PDE4D: variants seen among roughly 807,000 people sequenced by gnomAD.
PDE4D encodes phosphodiesterase 4D.
Under a neutral mutation model 87.4 loss-of-function variants are expected in PDE4D, and 24 were observed. The ratio of observed to expected loss-of-function variants is 0.27; its 90% CI spans 0.20 to 0.39. The LOEUF (loss-of-function observed/expected upper bound fraction) is 0.39. PDE4D is among the 10% of genes least tolerant of loss of function. PDE4D has a pLI of 1.00. For missense variants in PDE4D, 714 were observed against 1,041.0 expected, an observed-to-expected ratio of 0.69 and a Z score of 4.32; for synonymous variants, 384 against 383.2, an observed-to-expected ratio of 1.00 and a Z score of -0.02.
chr5:59,657,142 T>C (rs549010804), intron 1 of PDE4D, among the ~76,000 whole-genome samples: 73 of 152,298 alleles, frequency 4.8e-4, no homozygotes, highest in Middle Eastern at 3.4e-3. Context: ...TTTTGAGATA[T>C]TGAAAGGACA....
intron 6 of PDE4D, among the ~76,000 whole-genome samples, chr5:59,019,031 T>C (rs1754591040): frequency 6.6e-6 from 1 of 151,736 alleles, no homozygotes; most frequent in Non-Finnish European, 1.5e-5. Flanking sequence ...TTACCTAAAT[T>C]ATATGTCTAA....
At chr5:59,783,053 A>G (rs1013437558) in intron 1 of PDE4D, among the ~76,000 whole-genome samples, 10 of 152,204 alleles carry the variant, frequency 6.6e-5, no homozygotes, top group South Asian at 2.1e-4. Context: ...CCAAAGGACT[A>G]TAACTCATAT....
At chr5:58,992,588 C>G (rs1748168421) in intron 7 of PDE4D, among the ~76,000 whole-genome samples, 1 of 151,960 alleles carries the variant, frequency 6.6e-6, no homozygotes, top group Admixed American at 6.6e-5. Flanking sequence ...GGGTTAAATC[C>G]CCAGGTTTTA....
chr5:60,219,088 G>A (rs905869848), intron 1 of PDE4D, among the ~76,000 whole-genome samples: 2 of 152,020 alleles, frequency 1.3e-5, no homozygotes, highest in Admixed American at 6.6e-5. Flanking sequence ...AATCATTAAA[G>A]TACAATAAAC....
intron 1 of PDE4D, among the ~76,000 whole-genome samples, chr5:60,499,327 C>G (rs568663893): frequency 6.8e-4 from 103 of 152,262 alleles, no homozygotes; most frequent in African/African-American, 2.3e-3. Context: ...TATAAGGAAA[C>G]AGAGGAAACA....
At chr5:60,297,290 A>G (rs1291479911) in intron 1 of PDE4D, among the ~76,000 whole-genome samples, 1 of 152,190 alleles carries the variant, frequency 6.6e-6, no homozygotes, top group African/African-American at 2.4e-5. Context: ...GTTTTGTGAC[A>G]TTAGAACAGG....
chr5:60,465,317 T>A (rs1747266528), intron 1 of PDE4D, among the ~76,000 whole-genome samples: 1 of 152,122 alleles, frequency 6.6e-6, no homozygotes, highest in Admixed American at 6.5e-5. Context: ...TTTTCCTAAG[T>A]TAGTTTAAAA....
At chr5:59,111,120 T>C (rs1291709478) in intron 5 of PDE4D, among the ~76,000 whole-genome samples, 2 of 152,178 alleles carry the variant, frequency 1.3e-5, no homozygotes, top group Non-Finnish European at 2.9e-5. Context: ...CCTCTATCCA[T>C]ATGCTGTGAT....
intron 2 of PDE4D, among the ~76,000 whole-genome samples, chr5:60,014,091 TAAA>T (rs36035984): frequency 4.1e-5 from 4 of 96,454 alleles, no homozygotes; most frequent in Admixed American, 1.2e-4. Flanking sequence ...GACTCCACCT[TAAA>T]AAAAAAAAAA....
chr5:59,458,536 GCT>G (rs775225336), intron 1 of PDE4D, among the ~76,000 whole-genome samples: 133 of 152,236 alleles, frequency 8.7e-4, no homozygotes, highest in Middle Eastern at 3.4e-3. Flanking sequence ...GTTCTCTCAG[GCT>G]CTGTCTGTGG....
intron 2 of PDE4D, among the ~76,000 whole-genome samples, chr5:59,194,801 G>T (rs1457409784): frequency 6.6e-6 from 1 of 152,114 alleles, no homozygotes; most frequent in Non-Finnish European, 1.5e-5. Flanking sequence ...AGGGCATAAG[G>T]TCTAAAAACT....
intron 5 of PDE4D, among the ~76,000 whole-genome samples, chr5:59,061,041 A>G (rs1763041491): frequency 6.6e-6 from 1 of 152,138 alleles, no homozygotes; most frequent in African/African-American, 2.4e-5. Context: ...TCATATATTT[A>G]TTGGTGTTGG....
intron 2 of PDE4D, among the ~76,000 whole-genome samples, chr5:60,088,556 G>A (rs1362099800): frequency 6.6e-6 from 1 of 151,786 alleles, no homozygotes; most frequent in East Asian, 1.9e-4. Context: ...GTTTATTTTT[G>A]TTTATTTGCA....
intron 3 of PDE4D, among the ~76,000 whole-genome samples, chr5:59,925,520 A>G (rs752220413): frequency 6.6e-6 from 1 of 152,178 alleles, no homozygotes; most frequent in Non-Finnish European, 1.5e-5. Context: ...TTTCTTACCA[A>G]TGCTAATATT....
In PDE4D at chr5:60,263,392, G is replaced by A. The variant is rs185244379; in HGVS notation, c.-89-77705C>T. ...CCATGTAAATTCTAATCCATTGCCC[G>A]TCTAGCGGCTGGGTGACGCCACAAG... On this transcript the variant is annotated intron_variant, in intron 1 of 16. Coordinates refer to the PDE4D transcript ENST00000502484. Among the ~76,000 whole-genome samples the A allele has an allele frequency of 7.2e-5, 11 of 152,262 alleles. No homozygotes were observed. The East Asian group carries it at 9.6e-4, about 13-fold the overall frequency.
chr5:59,618,692 A>T (rs1829999517), intron 1 of PDE4D, among the ~76,000 whole-genome samples: 1 of 152,166 alleles, frequency 6.6e-6, no homozygotes. Flanking sequence ...AAGACAGATG[A>T]TGGTGGCTGC....
At chr5:59,371,902 G>GAGTGGTATA (rs1177134009) in intron 1 of PDE4D, among the ~76,000 whole-genome samples, 2 of 152,166 alleles carry the variant, frequency 1.3e-5, no homozygotes, top group Non-Finnish European at 2.9e-5. Context: ...TAAAGAAAAA[G>GAGTGGTATA]AGTGGTATAT....
chr5:59,313,466 C>G (rs75167118), intron 1 of PDE4D, among the ~76,000 whole-genome samples: 5,293 of 152,120 alleles, frequency 0.035, 319 homozygotes, highest in African/African-American at 0.12. Flanking sequence ...CCCAGGAAAG[C>G]CAGCAGTCCT....
intron 1 of PDE4D, among the ~76,000 whole-genome samples, chr5:60,193,785 A>G (rs943170837): frequency 5.3e-5 from 8 of 151,404 alleles, no homozygotes; most frequent in African/African-American, 1.5e-4. Flanking sequence ...CTCTTTACCT[A>G]GGTTTAGTTT....
Sources: gnomAD v4.1 joint callset for allele counts (sites outside exome capture counted in the v4.1 genomes callset) on GRCh38, gnomAD v4.1.1 for gene constraint, MANE v1.5 for transcripts, NCBI Gene and HGNC (gene_info 2026-07-23, HGNC 2026-07-21) for gene names.